The following MINDY3 variants were observed in gnomAD, a reference collection of about 807,000 sequenced individuals.
The protein encoded by MINDY3 is ubiquitin carboxyl-terminal hydrolase MINDY-3.
A neutral mutation model predicts 69.2 loss-of-function variants in MINDY3; 38 were observed. The ratio of observed to expected loss-of-function variants is 0.55; its 90% CI spans 0.42 to 0.72. The LOEUF (loss-of-function observed/expected upper bound fraction) is 0.72, where lower values mean the gene tolerates loss of function less well. Ranked by LOEUF, MINDY3 falls within the 30% of genes least tolerant of loss-of-function variation. MINDY3 has a pLI of 0.00. For missense variants in MINDY3, 522 were observed against 519.0 expected (o/e 1.01, Z -0.06); for synonymous variants, 192 against 180.1 (o/e 1.07, Z -0.53).
At chr10:15,835,829 C>T (rs990782209) in intron 6 of MINDY3, among the ~76,000 whole-genome samples, 1 of 151,950 alleles carries the variant, frequency 6.6e-6, no homozygotes, top group Non-Finnish European at 1.5e-5. Context: ...TCTAAATATA[C>T]TCCTTTTGTT....
chr10:15,848,295 T>C (rs1833997236), intron 1 of MINDY3, among the ~76,000 whole-genome samples: 1 of 152,088 alleles, frequency 6.6e-6, no homozygotes, highest in Admixed American at 6.6e-5. Flanking sequence ...AAATACCATA[T>C]CATTCTATCA....
At position 15,812,702 on chromosome 10, in the gene MINDY3, C is replaced by CT. The variant is rs375352408; in HGVS notation, c.882+4132dup. On this transcript the variant is annotated intron_variant, in intron 10 of 14. Coordinates refer to ENST00000277632, the MANE Select transcript of MINDY3 (RefSeq NM_024948.4). The stretch of plus-strand genomic sequence containing the variant: ...ACAGCATAGCTCTCCACATGCCTGT[C>CT]TGAGAGGTACCTCTTATTTCCCCAA... 2.8e-3 allele frequency among the ~76,000 whole-genome samples: 430 copies of CT among 152,298 alleles called. 2 individuals carry two copies. The highest frequency in any genetic ancestry group is 9.9e-3 in the African/African-American group (412 of 41,564).
At chr10:15,833,879 T>C (rs187082374) in intron 7 of MINDY3, among the ~76,000 whole-genome samples, 170 bp from the exon 8 acceptor site, 28 of 152,216 alleles carry the variant, frequency 1.8e-4, no homozygotes, top group African/African-American at 6.3e-4. Flanking sequence ...GCTAAATGTA[T>C]CACCAAATAT....
At chr10:15,811,834 G>A (rs886580279) in intron 10 of MINDY3, among the ~76,000 whole-genome samples, 3 of 152,028 alleles carry the variant, frequency 2.0e-5, no homozygotes, top group African/African-American at 7.3e-5. Flanking sequence ...TATAAAACTA[G>A]TATTTATAAC....
chr10:15,824,508 A>C (rs751650896), intron 8 of MINDY3, among the ~76,000 whole-genome samples: 4 of 152,216 alleles, frequency 2.6e-5, no homozygotes, highest in Non-Finnish European at 5.9e-5. Flanking sequence ...TGAGATTAAA[A>C]GGTTTTAGAA....
At chr10:15,827,999 T>C (rs2132031624) in intron 8 of MINDY3, among the ~76,000 whole-genome samples, 1 of 152,328 alleles carries the variant, frequency 6.6e-6, no homozygotes, top group Non-Finnish European at 1.5e-5. Flanking sequence ...TAGAAGGACA[T>C]TTGGCATTAT....
chr10:15,824,516 G>T (rs1839966311), intron 8 of MINDY3, among the ~76,000 whole-genome samples: 1 of 152,176 alleles, frequency 6.6e-6, no homozygotes, highest in African/African-American at 2.4e-5. Flanking sequence ...AAAGGTTTTA[G>T]AATCTTCAGG....
intron 8 of MINDY3, among the ~76,000 whole-genome samples, chr10:15,822,823 G>A (rs991155298): frequency 1.3e-5 from 2 of 152,040 alleles, no homozygotes; most frequent in South Asian, 2.1e-4. Context: ...CAGACACAAC[G>A]CAGGGAATAA....
At chr10:15,809,497 C>T (rs1417061525) in intron 10 of MINDY3, among the ~76,000 whole-genome samples, 1 of 152,156 alleles carries the variant, frequency 6.6e-6, no homozygotes, top group Non-Finnish European at 1.5e-5. Context: ...GCCTACAGGG[C>T]ACATTCTGTC....
At chr10:15,799,088 A>G (rs1838061852) in intron 10 of MINDY3, among the ~76,000 whole-genome samples, 1 of 152,118 alleles carries the variant, frequency 6.6e-6, no homozygotes, top group African/African-American at 2.4e-5. Flanking sequence ...GGCCATGGCT[A>G]TGTTCCAATA....
intron 11 of MINDY3, among the ~76,000 whole-genome samples, chr10:15,794,687 T>C (rs1476534486): frequency 7.2e-5 from 11 of 152,124 alleles, no homozygotes; most frequent in Non-Finnish European, 1.5e-4. Flanking sequence ...ATTGGTAATA[T>C]GAGAAATTCT....
In MINDY3 at chr10:15,786,596, A is replaced by G. The variant is rs377243258; in HGVS notation, c.1081T>C (p.Leu361=). The G allele has an allele frequency of 1.0e-5, 16 of 1,593,212 alleles. No homozygotes were observed. Among genetic ancestry groups the G allele is most frequent in the African/African-American group, 1.3e-5 (1 of 74,296 alleles). ...AAAAATTCTTGAAGAAATGGGCCCAATAATATGATTCCTAATCCTTCTGGA... is the reference window on the plus strand; with the variant it reads ...AAAAATTCTTGAAGAAATGGGCCCAGTAATATGATTCCTAATCCTTCTGGA... ...LDPEGLGIIL[L]GPFLQEFFPD... The change falls in exon 13 of 15, where the codon TTG becomes CTG. Residue 361 remains leucine, a synonymous_variant. Coordinates refer to ENST00000277632, the MANE Select transcript of MINDY3 (RefSeq NM_024948.4).
chr10:15,857,407 G>T (rs928229179), intron 1 of MINDY3, among the ~76,000 whole-genome samples: 1 of 152,000 alleles, frequency 6.6e-6, no homozygotes, highest in Non-Finnish European at 1.5e-5. Context: ...TTTATGCTAC[G>T]TTATATTTAC....
intron 14 of MINDY3, among the ~76,000 whole-genome samples, chr10:15,779,585 G>A (rs1018197166): frequency 6.6e-6 from 1 of 152,152 alleles, no homozygotes; most frequent in African/African-American, 2.4e-5. Context: ...ATGTTCTGAG[G>A]AACATGTGTC....
intron 1 of MINDY3, among the ~76,000 whole-genome samples, chr10:15,853,647 C>T (rs1221587625): frequency 6.6e-6 from 1 of 151,780 alleles, no homozygotes; most frequent in Non-Finnish European, 1.5e-5. Flanking sequence ...CCATAAAGCA[C>T]TTATGCTACA....
At chr10:15,842,686 C>A (rs1361131519) in intron 3 of MINDY3, among the ~76,000 whole-genome samples, 2 of 151,776 alleles carry the variant, frequency 1.3e-5, no homozygotes, top group African/African-American at 4.8e-5. Flanking sequence ...AAGGAAAGAT[C>A]TTTGTAAACT....
chr10:15,849,993 C>T (rs1042516640), intron 1 of MINDY3, among the ~76,000 whole-genome samples: 1 of 151,918 alleles, frequency 6.6e-6, no homozygotes, highest in South Asian at 2.1e-4. Context: ...AATGGAGGGA[C>T]CTGCTGAAGC....
At chr10:15,853,104 T>A (rs1834422144) in intron 1 of MINDY3, among the ~76,000 whole-genome samples, 1 of 152,046 alleles carries the variant, frequency 6.6e-6, no homozygotes. Flanking sequence ...ACAACTATAT[T>A]TAAGTTTGGC....
intron 14 of MINDY3, among the ~76,000 whole-genome samples, chr10:15,779,436 G>A (rs972241929): frequency 6.6e-6 from 1 of 152,038 alleles, no homozygotes; most frequent in African/African-American, 2.4e-5. Flanking sequence ...ATTCTTCAAC[G>A]GATCTATACC....
Sources: gnomAD v4.1 joint callset for allele counts (sites outside exome capture counted in the v4.1 genomes callset) on GRCh38, gnomAD v4.1.1 for gene constraint, MANE v1.5 for transcripts, NCBI Gene and HGNC (gene_info 2026-07-23, HGNC 2026-07-21) for gene names.